Variants in PLEKHG4B observed in about 807,000 individuals in gnomAD.
PLEKHG4B encodes pleckstrin homology and RhoGEF domain containing G4B.
A neutral mutation model predicts 121.3 loss-of-function variants in PLEKHG4B; 111 were observed. The ratio of observed to expected loss-of-function variants is 0.92; its 90% CI spans 0.78 to 1.07. The LOEUF is 1.07. Among genes scored for constraint, PLEKHG4B ranks in the 50% least tolerant of loss-of-function variants. The pLI, the probability that PLEKHG4B is intolerant of heterozygous loss-of-function variation, is 0.00. For synonymous variants in PLEKHG4B, 738 were observed against 725.0 expected (o/e 1.02, Z -0.29); for missense variants, 1,831 against 1,757.8 (o/e 1.04, Z -0.74).
chr5:103,558 T>A (rs956898129), intron 1 of PLEKHG4B, among the ~76,000 whole-genome samples: 2 of 152,232 alleles, frequency 1.3e-5, no homozygotes, highest in Non-Finnish European at 2.9e-5. Context: ...TTTGCAGAAT[T>A]CCTGCCAGAT....
intron 2 of PLEKHG4B, among the ~76,000 whole-genome samples, chr5:120,312 A>T (rs1004942367): frequency 6.6e-6 from 1 of 152,184 alleles, no homozygotes; most frequent in Admixed American, 6.5e-5. Flanking sequence ...TTACAGTCTC[A>T]TGGTCTCAAA....
intron 13 of PLEKHG4B, among the ~76,000 whole-genome samples, chr5:168,357 G>A (rs144517005): frequency 1.3e-5 from 2 of 152,292 alleles, no homozygotes; most frequent in African/African-American, 2.4e-5. Flanking sequence ...CTGCGCCCCC[G>A]GCCTTGCTCT....
chr5:164,697 CTAATGCTCTGACGGGGCGG>C (rs1560945216), intron 13 of PLEKHG4B, among the ~76,000 whole-genome samples: 132 of 75,222 alleles, frequency 1.8e-3, no homozygotes, highest in Middle Eastern at 8.8e-3. Context: ...GGAGCTCACA[CTAATGCTCTGACGGGGCGG>C]AGCTCACACT....
At position 173,764 on chromosome 5, in the gene PLEKHG4B, C is replaced by T. The variant is rs73732945; in HGVS notation, c.4222-154C>T. Reference sequence around the variant, plus strand: ...ACGGTCACAAGCAGCCTCACACACTCGTGAGCAGTGTGGTCTCGCTCACCC... The same window carrying T: ...ACGGTCACAAGCAGCCTCACACACTTGTGAGCAGTGTGGTCTCGCTCACCC... On this transcript the variant is annotated intron_variant, in intron 17 of 19. Transcript: ENST00000637938. Among the ~76,000 whole-genome samples the T allele has an allele frequency of 8.9e-3, 1,350 of 152,230 alleles. 23 individuals are homozygous for T. The highest frequency in any genetic ancestry group is 0.031 in the African/African-American group (1,285 of 41,532).
At chr5:99,921 G>C (rs1379118712) in intron 1 of PLEKHG4B, among the ~76,000 whole-genome samples, 1 of 152,094 alleles carries the variant, frequency 6.6e-6, no homozygotes. Context: ...TTCTGGGTCT[G>C]TTATCATGAA....
At chr5:167,812 G>A (rs2126449784) in intron 13 of PLEKHG4B, among the ~76,000 whole-genome samples, 1 of 152,380 alleles carries the variant, frequency 6.6e-6, no homozygotes, top group South Asian at 2.1e-4. Flanking sequence ...ACTCCAGCCA[G>A]CTCATGAAAC....
At chr5:94,370 T>C (rs1733565865) in intron 1 of PLEKHG4B, among the ~76,000 whole-genome samples, 2 of 152,152 alleles carry the variant, frequency 1.3e-5, no homozygotes, top group Admixed American at 6.5e-5. Flanking sequence ...GGCTCCCTTC[T>C]TCCACCATGC....
chr5:124,379 T>C (rs1161367655), intron 2 of PLEKHG4B, among the ~76,000 whole-genome samples: 1 of 152,208 alleles, frequency 6.6e-6, no homozygotes, highest in African/African-American at 2.4e-5. Flanking sequence ...GTTCTGCATA[T>C]GTCTGTTAGA....
rs904911035 is a variant in PLEKHG4B, at chr5:169,830, C to T, written c.3729+238C>T. Among the ~76,000 whole-genome samples, 3 of 152,238 alleles carry T rather than the reference C, an allele frequency of 2.0e-5. No individual in the cohort carries two copies. The East Asian group carries it at 5.8e-4, about 29-fold the overall frequency. On this transcript the variant is annotated intron_variant, in intron 14 of 19. Coordinates refer to ENST00000637938, the MANE Select transcript of PLEKHG4B (RefSeq NM_052909.5). ...TGTGACCGACTGTGTCCCTGCTGCC[C>T]CTGGAGGCGGAGGCTCACAGACACC...
intron 19 of PLEKHG4B, 130 bp from the exon 20 acceptor site, chr5:181,871 ATGG>A: frequency 1.6e-6 from 2 of 1,290,268 alleles, no homozygotes; most frequent in Non-Finnish European, 2.2e-6. Context: ...AGTGGCCGAC[ATGG>A]TGGGTTGGAT....
chr5:163,194 G>T lies in PLEKHG4B; in HGVS notation c.3122G>T (p.Arg1041Met). 6.3e-7 allele frequency: 1 copy of T among 1,585,882 alleles called. No homozygotes were observed. The highest frequency in any genetic ancestry group is 8.6e-7 in the Non-Finnish European group (1 of 1,167,124). The part of the protein sequence containing the change: ...CALWDPLSLL[R>M]GLPGAGATTA... ...CTGTGGGACCCACTGTCCCTCCTCA[G>T]GGGCCTTCCAGGGGCAGGGGCCACC... Residue 1041 changes from arginine to methionine, a missense_variant, in exon 13 of 20, where the codon AGG becomes ATG. Coordinates refer to ENST00000637938, the MANE Select transcript of PLEKHG4B (RefSeq NM_052909.5).
At chr5:172,856 G>A (rs6868964) in intron 16 of PLEKHG4B, 41 bp from the exon 17 acceptor site, 912,527 of 1,609,244 alleles carry the variant, frequency 0.57, 263,440 homozygotes, top group Non-Finnish European at 0.6. Context: ...CACAGACGCC[G>A]GATTTTCTTG....
In PLEKHG4B at chr5:187,326, C is replaced by G. The variant is rs886871509; in HGVS notation, c.*5003C>G. The G allele has an allele frequency of 6.6e-6, 1 of 152,402 alleles. No individual in the cohort carries two copies. Among genetic ancestry groups the G allele is most frequent in the Non-Finnish European group, 1.5e-5 (1 of 68,112 alleles). 9.4% of individuals were successfully genotyped at this position (152,402 alleles called of 1,614,324 possible). A position where few individuals can be genotyped will look rare whatever the true frequency, so the allele number is the denominator to read the frequency against. Reference sequence around the variant, plus strand: ...AGAGACCTCTTCTTTTGCCAGGTGTCGTGAGGGCTGTGGCTTAGCTGGGCC... The same window carrying G: ...AGAGACCTCTTCTTTTGCCAGGTGTGGTGAGGGCTGTGGCTTAGCTGGGCC... On this transcript the variant is annotated 3_prime_UTR_variant, in exon 20 of 20. Coordinates refer to ENST00000637938, the MANE Select transcript of PLEKHG4B (RefSeq NM_052909.5).
At position 162,912 on chromosome 5, in the gene PLEKHG4B, A is replaced by C; in HGVS notation, c.2840A>C (p.Tyr947Ser). 2 of 1,534,954 alleles carry C rather than the reference A, an allele frequency of 1.3e-6. No homozygotes were observed. Among genetic ancestry groups the C allele is most frequent in the Non-Finnish European group, 1.8e-6 (2 of 1,140,216 alleles). Residue 947 changes from tyrosine (Y) to serine (S), a missense_variant, in exon 13 of 20, where the codon TAC (tyrosine) becomes TCC (serine). Tyr to Ser is a moderately radical substitution (Grantham distance 144). Transcript: ENST00000637938. ...TCACAGCAAGACCTGTGGCTGCAGTACCCCCAGACCCGGCTCCGTCTGGAA... is the reference window on the plus strand; with the variant it reads ...TCACAGCAAGACCTGTGGCTGCAGTCCCCCCAGACCCGGCTCCGTCTGGAA... ...WASQQDLWLQ[Y>S]PQTRLRLEEA... is the part of the protein sequence containing the mutation.
chr5:148,827 A>T (rs2126415075), intron 6 of PLEKHG4B, among the ~76,000 whole-genome samples: 1 of 152,334 alleles, frequency 6.6e-6, no homozygotes, highest in African/African-American at 2.4e-5. Context: ...TCAAAACTTA[A>T]CAAAGCAACA....
At chr5:128,856 T>C (rs1734697099) in intron 2 of PLEKHG4B, among the ~76,000 whole-genome samples, 1 of 152,110 alleles carries the variant, frequency 6.6e-6, no homozygotes. Context: ...CCCCTCTCCC[T>C]TGGCCAAGGA....
At position 183,573 on chromosome 5, in the gene PLEKHG4B, T is replaced by TA. The variant is rs1203753852; in HGVS notation, c.*1255dup. 6.6e-6 allele frequency: 1 copy of TA among 152,160 alleles called. No homozygotes were observed. The highest frequency in any genetic ancestry group is 2.4e-5 in the African/African-American group (1 of 41,424). 9.4% of individuals were successfully genotyped at this position (152,160 alleles called of 1,614,324 possible). Reference sequence around the variant, plus strand: ...GCTAACATGGTGAAACCCCGCCTACTAAAAATACAAAAAATTAGCCGGGCA... The same window carrying TA: ...GCTAACATGGTGAAACCCCGCCTACTAAAAAATACAAAAAATTAGCCGGGCA... On this transcript the variant is annotated 3_prime_UTR_variant, in exon 20 of 20. Coordinates refer to ENST00000637938, the MANE Select transcript of PLEKHG4B (RefSeq NM_052909.5).
At chr5:148,012 A>G (rs987476109) in intron 6 of PLEKHG4B, among the ~76,000 whole-genome samples, 12 of 152,206 alleles carry the variant, frequency 7.9e-5, no homozygotes, top group African/African-American at 2.9e-4. Context: ...AAAAAAAAGC[A>G]TTTGACAAAA....
Position 163,195 on chromosome 5 carries a change from G to T in PLEKHG4B, c.3123G>T (p.Arg1041Ser), listed in dbSNP as rs925023404. ...CALWDPLSLLRGLPGAGATTA... is the reference protein window; with the variant it reads ...CALWDPLSLLSGLPGAGATTA... ...TGTGGGACCCACTGTCCCTCCTCAG[G>T]GGCCTTCCAGGGGCAGGGGCCACCA... Residue 1041 changes from arginine (R) to serine (S), a missense_variant, in exon 13 of 20, where the codon AGG (arginine) becomes AGT (serine). Arg to Ser is a moderately radical substitution (Grantham distance 110). Transcript: ENST00000637938. The T allele has an allele frequency of 1.9e-6, 3 of 1,585,902 alleles. No individual in the cohort carries two copies. In the South Asian group the frequency reaches 3.5e-5, roughly 19 times the overall value.
Sources: allele counts gnomAD v4.1 joint callset (sites outside exome capture counted in the v4.1 genomes callset), GRCh38; gene constraint gnomAD v4.1.1; transcripts MANE v1.5; gene names NCBI Gene and HGNC (gene_info 2026-07-23, HGNC 2026-07-21).